The following DNAJA3 variants were observed in gnomAD, a reference collection of about 807,000 sequenced individuals.
DNAJA3 encodes DnaJ heat shock protein family (Hsp40) member A3.
In DNAJA3, 29 loss-of-function variants were observed where a neutral mutation model predicts 54.9. The observed-to-expected ratio is 0.53, with a 90% CI of 0.39 to 0.72. The LOEUF is 0.72. DNAJA3 is among the 30% of genes least tolerant of loss of function. The pLI, the probability that DNAJA3 is intolerant of heterozygous loss-of-function variation, is 0.00. For missense variants in DNAJA3, 708 were observed against 639.4 expected (o/e 1.11, Z -1.16); for synonymous variants, 302 against 251.4 (o/e 1.20, Z -1.90).
Position 4,454,860 on chromosome 16 carries a change from T to C in DNAJA3, c.1389T>C (p.Ala463=), listed in dbSNP as rs1413379504. The change falls in exon 11 of 12, where the codon GCT becomes GCC. Residue 463 remains alanine, a synonymous_variant. Transcript: ENST00000262375. The stretch of plus-strand genomic sequence containing the variant: ...CAGGAAGCAAGGCTAGGCGTGAGGC[T>C]GGGGAGGACGAGGAGGGATTCCTTT... ...SSAGSKARRE[A]GEDEEGFLSK... is the part of the protein sequence containing the mutation. 2.5e-6 allele frequency: 4 copies of C among 1,614,020 alleles called. No homozygotes were observed. Among genetic ancestry groups the C allele is most frequent in the Non-Finnish European group, 8.5e-7 (1 of 1,180,004 alleles).
chr16:4,449,340 A>C (rs979156868), intron 9 of DNAJA3, among the ~76,000 whole-genome samples: 1 of 151,938 alleles, frequency 6.6e-6, no homozygotes, highest in Non-Finnish European at 1.5e-5. Context: ...TAAATGAACA[A>C]CACATAGGAA....
At position 4,434,613 on chromosome 16, in the gene DNAJA3, A is replaced by G; in HGVS notation, c.345+96A>G. ...CAGTACAGCGTATGTGCCCATATGA[A>G]TAGGTCTCATGAGCTGATAGTATAG... is the stretch of plus-strand genomic sequence containing the variant. On this transcript the variant is annotated intron_variant, in intron 2 of 11. Coordinates refer to ENST00000262375, the MANE Select transcript of DNAJA3 (RefSeq NM_005147.6). 7 of 1,377,428 alleles carry G rather than the reference A, an allele frequency of 5.1e-6. No homozygotes were observed. The East Asian group carries it at 9.3e-5, about 18-fold the overall frequency. The allele number at this position is 1,377,428 out of a possible 1,614,324, so 85.3% of individuals were successfully genotyped here. A position where few individuals can be genotyped will look rare whatever the true frequency, so the allele number is the denominator to read the frequency against.
intron 1 of DNAJA3, among the ~76,000 whole-genome samples, chr16:4,428,951 C>T (rs993467126): frequency 2.0e-5 from 3 of 147,116 alleles, no homozygotes; most frequent in Non-Finnish European, 3.0e-5. Context: ...TGCAGTGGCA[C>T]GATCTCGGCT....
chr16:4,426,199 C>T, intron 1 of DNAJA3, 107 bp downstream of exon 1: 9 of 1,206,002 alleles, frequency 7.5e-6, no homozygotes, highest in Non-Finnish European at 9.9e-6. Flanking sequence ...GGGTGTCTTC[C>T]GACGCGGATG....
chr16:4,449,480 A>T (rs907990585), intron 9 of DNAJA3: 2 of 151,724 alleles, frequency 1.3e-5, no homozygotes, highest in African/African-American at 4.9e-5. Flanking sequence ...CCCCAGTTCA[A>T]ATGATTCTCC....
intron 10 of DNAJA3, 29 bp from the exon 11 acceptor site, chr16:4,454,782 C>T (rs749595074): frequency 1.2e-5 from 18 of 1,547,338 alleles, no homozygotes; most frequent in Middle Eastern, 1.9e-4. Context: ...AGGCCCATGA[C>T]GCCAGTTCTT....
intron 5 of DNAJA3, 92 bp downstream of exon 5, chr16:4,442,512 G>A: frequency 1.4e-6 from 2 of 1,384,164 alleles, no homozygotes; most frequent in Admixed American, 3.0e-5. Context: ...ACGTATGCTG[G>A]GAATTGGGGG....
chr16:4,447,120 T>TG (rs932906969), intron 8 of DNAJA3, 106 bp downstream of exon 8: 97 of 1,370,650 alleles, frequency 7.1e-5, no homozygotes, highest in Non-Finnish European at 5.2e-5. Flanking sequence ...GACCAGCATG[T>TG]GGGGGGGCAC....
chr16:4,449,725 GC>G (rs1470615467), intron 9 of DNAJA3: 1 of 152,276 alleles, frequency 6.6e-6, no homozygotes, highest in Non-Finnish European at 1.5e-5. Context: ...TGGAGAGGTG[GC>G]CTGGGCAGAG....
chr16:4,445,985 G>A (rs566295081), intron 7 of DNAJA3, among the ~76,000 whole-genome samples: 11 of 150,776 alleles, frequency 7.3e-5, no homozygotes, highest in African/African-American at 2.7e-4. Context: ...GCAGTGGCAT[G>A]ATCTCAGCTC....
chr16:4,430,872 C>G (rs766237303), intron 1 of DNAJA3: 1 of 151,966 alleles, frequency 6.6e-6, no homozygotes, highest in Non-Finnish European at 1.5e-5. Context: ...GGTGAAACTT[C>G]TTACCTACTA....
chr16:4,426,261 G>A (rs1191639775), intron 1 of DNAJA3, among the ~76,000 whole-genome samples, 169 bp downstream of exon 1: 1 of 152,204 alleles, frequency 6.6e-6, no homozygotes, highest in Non-Finnish European at 1.5e-5. Context: ...CCCAGTGGCT[G>A]CTCAGCCGTC....
intron 6 of DNAJA3, 47 bp downstream of exon 6, chr16:4,443,211 A>G: frequency 1.9e-6 from 3 of 1,607,868 alleles, no homozygotes; most frequent in Non-Finnish European, 2.5e-6. Context: ...GAGGGCAGAC[A>G]GGGTTGAGGC....
intron 3 of DNAJA3, among the ~76,000 whole-genome samples, chr16:4,439,073 A>G (rs1171308788): frequency 6.7e-6 from 1 of 149,962 alleles, no homozygotes; most frequent in Non-Finnish European, 1.5e-5. Context: ...GCAGTGGCTT[A>G]CGTCTATAAT....
Position 4,441,351 on chromosome 16 carries a change from C to T in DNAJA3, c.430-24C>T, listed in dbSNP as rs1292532975. ...TGGGCCTTGGTAGACCTGGGATGCCCAGTGGCTCTGCCTTTCACTGTAGGT... is the reference window on the plus strand; with the variant it reads ...TGGGCCTTGGTAGACCTGGGATGCCTAGTGGCTCTGCCTTTCACTGTAGGT... On this transcript the variant is annotated intron_variant, in intron 3 of 11. Coordinates refer to ENST00000262375, the MANE Select transcript of DNAJA3 (RefSeq NM_005147.6). The T allele has an allele frequency of 9.4e-6, 15 of 1,599,014 alleles. No homozygotes were observed. In the African/African-American group the frequency reaches 1.1e-4, roughly 11 times the overall value.
At chr16:4,431,086 G>A (rs1397036222) in intron 1 of DNAJA3, 1 of 152,096 alleles carries the variant, frequency 6.6e-6, no homozygotes, top group African/African-American at 2.4e-5. Flanking sequence ...AATTAAACGT[G>A]ATTTGTCTTT....
chr16:4,456,743 TTATC>T lies in DNAJA3; in HGVS notation c.*1215_*1218del, dbSNP rs777669048. 1.3e-4 allele frequency: 20 copies of T among 152,656 alleles called. No individual in the cohort carries two copies. The highest frequency in any genetic ancestry group is 2.5e-4 in the Non-Finnish European group (17 of 68,044). 9.5% of individuals were successfully genotyped at this position (152,656 alleles called of 1,614,324 possible). ...TGATTCTGTATTAATGTAAATAAGA[TTATC>T]TATTGCAAAAAGATATTTCAAACCT... On this transcript the variant is annotated 3_prime_UTR_variant, in exon 12 of 12. Coordinates refer to ENST00000262375, the MANE Select transcript of DNAJA3 (RefSeq NM_005147.6).
chr16:4,434,583 C>T, intron 2 of DNAJA3, 66 bp downstream of exon 2: 3 of 1,569,904 alleles, frequency 1.9e-6, no homozygotes. Context: ...CCATGTGATC[C>T]TGATCAGTAC....
chr16:4,437,559 G>T, intron 3 of DNAJA3, 74 bp downstream of exon 3: 3 of 1,237,720 alleles, frequency 2.4e-6, no homozygotes, highest in Non-Finnish European at 3.5e-6. Context: ...TTGCTACCTG[G>T]GACAGCCTGG....
Sources: gnomAD v4.1 joint callset for allele counts (sites outside exome capture counted in the v4.1 genomes callset) on GRCh38, gnomAD v4.1.1 for gene constraint, MANE v1.5 for transcripts, NCBI Gene and HGNC (gene_info 2026-07-23, HGNC 2026-07-21) for gene names.